The following ANAPC11 variants were observed in gnomAD, a reference collection of about 807,000 sequenced individuals.
The protein encoded by ANAPC11 is anaphase-promoting complex subunit 11.
A neutral mutation model predicts 11.8 loss-of-function variants in ANAPC11; 5 were observed. The ratio of observed to expected loss-of-function variants is 0.42; its 90% CI spans 0.22 to 0.89. The LOEUF (loss-of-function observed/expected upper bound fraction) is 0.89. Ranked by LOEUF, ANAPC11 falls within the 40% of genes least tolerant of loss-of-function variation. The probability of loss-of-function intolerance (pLI) is 0.28; values close to 1 mark genes in which losing one functional copy is unlikely to be tolerated. For synonymous variants in ANAPC11, 45 were observed against 41.0 expected (o/e 1.10, Z -0.38); for missense variants, 68 against 112.9 (o/e 0.60, Z 1.80).
upstream of ANAPC11, chr17:81,890,870 C>T (rs754784844): frequency 2.5e-6 from 4 of 1,612,638 alleles, no homozygotes; most frequent in South Asian, 2.2e-5. Flanking sequence ...CAGTCCAGGG[C>T]TTTCCTGACC....
downstream of ANAPC11, chr17:81,900,318 G>GA (rs1237470391): frequency 8.8e-6 from 5 of 568,830 alleles, no homozygotes; most frequent in Non-Finnish European, 1.5e-5. Flanking sequence ...GTTTTGATAT[G>GA]AAAACTCTCA....
upstream of ANAPC11, chr17:81,891,566 C>A (rs781464981): frequency 3.5e-6 from 5 of 1,438,650 alleles, no homozygotes; most frequent in South Asian, 6.4e-5. Context: ...CCATGGCGGG[C>A]GCGGAATCGG....
intron 2 of ANAPC11, among the ~76,000 whole-genome samples, chr17:81,894,090 C>T (rs1017890834): frequency 1.3e-5 from 2 of 151,754 alleles, no homozygotes; most frequent in African/African-American, 4.8e-5. Flanking sequence ...CCAGCCTGGC[C>T]TACATGGTGA....
At chr17:81,899,212 G>A in intron 3 of ANAPC11, 1 of 1,601,922 alleles carries the variant, frequency 6.2e-7, no homozygotes. Context: ...TCTTGATCAT[G>A]GCTGATACAA....
Position 81,900,006 on chromosome 17 carries a change from G to A in ANAPC11, c.196G>A (p.Ala66Thr), listed in dbSNP as rs924392175. 6 of 1,612,740 alleles carry A rather than the reference G, an allele frequency of 3.7e-6. No homozygotes were observed. The highest frequency in any genetic ancestry group is 1.7e-5 in the Admixed American group (1 of 59,970). ...GCATTGCATCCTCAAGTGGCTGCAC[G>A]CACAGCAGGTGCAGCAGCACTGCCC... ...HMHCILKWLH[A>T]QQVQQHCPMC... Residue 66 changes from alanine to threonine, a missense_variant, in exon 4 of 4, where the codon GCA becomes ACA. Ala to Thr is a moderately conservative substitution (Grantham distance 58). Transcript: ENST00000344877.
At chr17:81,890,927 G>A, upstream of ANAPC11, 7 of 1,512,306 alleles carry the variant, frequency 4.6e-6, no homozygotes, top group South Asian at 7.4e-5. Context: ...GAGAGGATCC[G>A]GCCGAAACGG....
intron 3 of ANAPC11, among the ~76,000 whole-genome samples, chr17:81,897,141 C>T (rs974137239): frequency 6.6e-6 from 1 of 152,230 alleles, no homozygotes; most frequent in Non-Finnish European, 1.5e-5. Context: ...GCTGGGACTA[C>T]AGGCGCTCGC....
At chr17:81,890,905 T>C, upstream of ANAPC11, 1 of 1,583,698 alleles carries the variant, frequency 6.3e-7, no homozygotes, top group Non-Finnish European at 8.6e-7. Context: ...GGACCCTTCC[T>C]CTTCCCGGCC....
upstream of ANAPC11, chr17:81,891,530 G>T (rs2039529994): frequency 1.4e-6 from 2 of 1,429,882 alleles, no homozygotes; most frequent in Non-Finnish European, 1.8e-6. Context: ...TAATGATGTC[G>T]TCCAGAGACA....
At chr17:81,899,186 C>G in intron 3 of ANAPC11, 1 of 1,548,262 alleles carries the variant, frequency 6.5e-7, no homozygotes, top group South Asian at 1.2e-5. Context: ...TCTTGGAGAT[C>G]AGGGACACTC....
intron 3 of ANAPC11, chr17:81,899,197 A>G: frequency 6.3e-7 from 1 of 1,581,072 alleles, no homozygotes; most frequent in Non-Finnish European, 8.6e-7. Context: ...AGGGACACTC[A>G]TTTCTCTTGA....
intron 1 of ANAPC11, among the ~76,000 whole-genome samples, chr17:81,892,824 A>G (rs1003363264): frequency 1.8e-4 from 27 of 151,774 alleles, no homozygotes; most frequent in Admixed American, 3.9e-4. Context: ...CACCCAGCCC[A>G]TTTCATGGAT....
At chr17:81,899,878 AGCCTGGTCAT>A in intron 3 of ANAPC11, 32 bp from the exon 4 acceptor site, 1 of 1,583,212 alleles carries the variant, frequency 6.3e-7, no homozygotes, top group Non-Finnish European at 8.6e-7. Context: ...CTCTGTGTCC[AGCCTGGTCAT>A]GCCTGTCCTT....
At chr17:81,898,990 G>A (rs950207638) in intron 3 of ANAPC11, 7 of 576,398 alleles carry the variant, frequency 1.2e-5, no homozygotes, top group Non-Finnish European at 2.2e-5. Context: ...TTGTGCTGAG[G>A]CCAGAAACCC....
At position 81,894,781 on chromosome 17, in the gene ANAPC11, G is replaced by A. The variant is rs143371559; in HGVS notation, c.109+195G>A. The A allele has an allele frequency of 6.6e-3, 2,887 of 435,346 alleles. 67 individuals carry two copies. Among genetic ancestry groups the A allele is most frequent in the African/African-American group, 0.055 (2,634 of 47,754 alleles). 27.0% of individuals were successfully genotyped at this position (435,346 alleles called of 1,614,324 possible). ...TTCCCAGGCTGGAGTGCAATGGCGC[G>A]ATCTCGGCTTGCCGCAACCTCTGCC... On this transcript the variant is annotated intron_variant, in intron 3 of 3. Transcript: ENST00000344877.
upstream of ANAPC11, chr17:81,891,595 G>A: frequency 7.1e-7 from 1 of 1,406,064 alleles, no homozygotes; most frequent in Non-Finnish European, 9.3e-7. Context: ...TCGAGCCCGC[G>A]CGTCAGCACG....
At chr17:81,890,823 GAAAA>G (rs751288400), upstream of ANAPC11, 26 of 1,587,438 alleles carry the variant, frequency 1.6e-5, no homozygotes, top group Admixed American at 6.8e-5. Context: ...TGTTTTGGCT[GAAAA>G]AAAAACCGCA....
In ANAPC11 at chr17:81,894,487, A is replaced by G; in HGVS notation, c.10A>G (p.Lys4Glu). MKV[K>E]IKCWNGVATW... ...CGCAGGCTCTGCTGCCATGAAGGTG[A>G]AGATTAAGTGCTGGAACGGCGTGGC... The change falls in exon 3 of 4, where the codon AAG becomes GAG. Residue 4 changes from lysine to glutamate, a missense_variant. By Grantham distance (56) the Lys-to-Glu change is moderately conservative. Coordinates refer to ENST00000344877, the MANE Select transcript of ANAPC11 (RefSeq NM_001002248.3). The G allele has an allele frequency of 1.2e-6, 2 of 1,611,106 alleles. No individual in the cohort carries two copies. Among genetic ancestry groups the G allele is most frequent in the Non-Finnish European group, 1.7e-6 (2 of 1,178,044 alleles).
chr17:81,898,423 T>C (rs1472278865), intron 3 of ANAPC11: 3 of 152,262 alleles, frequency 2.0e-5, no homozygotes, highest in Non-Finnish European at 4.4e-5. Flanking sequence ...ACTCAGCATG[T>C]CTCCGCTGAC....
Sources: gnomAD v4.1 joint callset for allele counts (sites outside exome capture counted in the v4.1 genomes callset) on GRCh38, gnomAD v4.1.1 for gene constraint, MANE v1.5 for transcripts, NCBI Gene and HGNC (gene_info 2026-07-23, HGNC 2026-07-21) for gene names.